CLEC18B: variants seen among roughly 807,000 people sequenced by gnomAD.
CLEC18B encodes mannose receptor-like 2.
CLEC18B carries 5 observed loss-of-function variants against 60.4 expected under a neutral mutation model. The ratio of observed to expected loss-of-function variants is 0.08; its 90% CI spans 0.04 to 0.17. The LOEUF is 0.17. CLEC18B is among the 10% of genes least tolerant of loss of function. The pLI is 1.00. For missense variants in CLEC18B, 26 were observed against 572.8 expected (o/e 0.05, Z 9.74); for synonymous variants, 16 against 221.2 (o/e 0.07, Z 8.23).
rs913748372 is a variant in CLEC18B, at chr16:74,421,435, C to G, written c.-165G>C. 2.2e-5 allele frequency: 33 copies of G among 1,475,160 alleles called. No homozygotes were observed. The Admixed American group carries it at 6.9e-4, about 31-fold the overall frequency. The allele number at this position is 1,475,160 out of a possible 1,614,324, so 91.4% of individuals were successfully genotyped here. On this transcript the variant is annotated 5_prime_UTR_variant, in exon 1 of 12. Transcript: ENST00000682950. ...AGAAGGAGGCTGGTGAGTGAGTAAT[C>G]AGTGTGTCCAGACAGCCTCCTGTTG...
At chr16:74,423,614 G>A (rs1256283667), upstream of CLEC18B, among the ~76,000 whole-genome samples, 1 of 152,178 alleles carries the variant, frequency 6.6e-6, no homozygotes, top group Admixed American at 6.6e-5. Context: ...GCTTGAATCT[G>A]GGAGGCGGAG....
intron 3 of CLEC18B, among the ~76,000 whole-genome samples, chr16:74,414,164 C>G (rs1316295352): frequency 6.6e-6 from 1 of 152,298 alleles, no homozygotes; most frequent in Non-Finnish European, 1.5e-5. Flanking sequence ...TGTGAGCCAC[C>G]GTGCCCAGCC....
upstream of CLEC18B, chr16:74,422,194 C>A (rs937754431): frequency 6.6e-6 from 1 of 152,070 alleles, no homozygotes; most frequent in African/African-American, 2.4e-5. Context: ...CTGGCGTGAT[C>A]CCACCAGAGT....
rs2013254770 is a variant in CLEC18B at position 74,413,105 on chromosome 16, C to T, written c.608G>A (p.Trp203Ter). 1 of 1,611,988 alleles carries T rather than the reference C, an allele frequency of 6.2e-7. No homozygotes were observed. The highest frequency in any genetic ancestry group is 1.3e-5 in the African/African-American group (1 of 74,880). ...GACACTGGCTGTGCAGAGCGAACAC[C>T]AGGCACCCTTCTTATAGGGGATGAT... Reference protein sequence around the residue: ...KTIIPYKKGAWCSLCTASVSG... With the variant: ...KTIIPYKKGA The change falls in exon 5 of 12, where the codon TGG becomes TAG. Residue 203 changes from tryptophan to a stop codon, truncating the protein, a stop_gained. Coordinates refer to ENST00000682950, the MANE Select transcript of CLEC18B (RefSeq NM_001385193.1). LOFTEE classifies it high-confidence loss of function.
At chr16:74,422,205 G>C (rs1255800736), upstream of CLEC18B, 2 of 152,324 alleles carry the variant, frequency 1.3e-5, no homozygotes, top group Non-Finnish European at 2.9e-5. Flanking sequence ...CCACCAGAGT[G>C]AGCTGGAGCA....
rs376806221 is a variant in CLEC18B, at chr16:74,418,106, C to T, written c.409G>A (p.Ala137Thr). The change falls in exon 3 of 12, where the codon GCG becomes ACG. Residue 137 changes from alanine to threonine, a missense_variant. Physicochemically the swap from Ala to Thr is moderately conservative, Grantham distance 58. Coordinates refer to ENST00000682950, the MANE Select transcript of CLEC18B (RefSeq NM_001385193.1). ...WFAEGQRYSH[A>T]AGECARNATC... ...GCGTTGCGAGCACACTCTCCTGCCG[C>T]GTGGCTGTACCGCTGCCCCTCTGCA... is the stretch of plus-strand genomic sequence containing the variant. The T allele has an allele frequency of 3.6e-5, 56 of 1,572,220 alleles. 5 individuals carry two copies. The highest frequency in any genetic ancestry group is 1.7e-4 in the Middle Eastern group (1 of 5,836).
chr16:74,414,110 G>A (rs2013317598), intron 3 of CLEC18B, among the ~76,000 whole-genome samples: 1 of 152,304 alleles, frequency 6.6e-6, no homozygotes, highest in Admixed American at 6.5e-5. Flanking sequence ...CCCGACCTCA[G>A]GTGAACTGCT....
rs766840033 is a variant in CLEC18B at position 74,421,158 on chromosome 16, G to T, written c.113C>A (p.Pro38Gln). 6.2e-7 allele frequency: 1 copy of T among 1,607,980 alleles called. No homozygotes were observed. The highest frequency in any genetic ancestry group is 1.4e-5 in the African/African-American group (1 of 73,624). Residue 38 changes from proline (P) to glutamine (Q), a missense_variant, in exon 1 of 12, where the codon CCG (proline) becomes CAG (glutamine). Physicochemically the swap from Pro to Gln is moderately conservative, Grantham distance 76. Coordinates refer to ENST00000682950, the MANE Select transcript of CLEC18B (RefSeq NM_001385193.1). ...VWPPQLQEQA[P>Q]MAGALNRKES... The stretch of plus-strand genomic sequence containing the variant: ...CAGGTGTCCCTTACCTCCGGCCATC[G>T]GAGCCTGCTCCTGCAGCTGGGGTGG...
At chr16:74,418,558 A>AGT (rs1175657809) in intron 2 of CLEC18B, among the ~76,000 whole-genome samples, 3 of 144,882 alleles carry the variant, frequency 2.1e-5, no homozygotes, top group African/African-American at 7.6e-5. Context: ...AGGCAGTGGG[A>AGT]CCCGCTCCTG....
At chr16:74,423,806 G>A (rs1328628692), upstream of CLEC18B, among the ~76,000 whole-genome samples, 1 of 152,042 alleles carries the variant, frequency 6.6e-6, no homozygotes, top group Admixed American at 6.6e-5. Context: ...GGCTGGAACC[G>A]ACACGCTGTG....
At chr16:74,415,024 CAACA>C (rs1309124386) in intron 3 of CLEC18B, among the ~76,000 whole-genome samples, 1 of 150,976 alleles carries the variant, frequency 6.6e-6, no homozygotes, top group Non-Finnish European at 1.5e-5. Flanking sequence ...AAGCAAGTTT[CAACA>C]AATAGCAAAG....
upstream of CLEC18B, chr16:74,422,447 G>C (rs1318910144): frequency 6.6e-6 from 1 of 151,308 alleles, no homozygotes; most frequent in Non-Finnish European, 1.5e-5. Context: ...ATGCAGGTAG[G>C]GTTGGCTTTC....
intron 2 of CLEC18B, among the ~76,000 whole-genome samples, chr16:74,419,180 G>A (rs1223550947): frequency 6.6e-6 from 1 of 152,290 alleles, no homozygotes; most frequent in Non-Finnish European, 1.5e-5. Flanking sequence ...GACTCCCTGA[G>A]CTCATCTGTA....
upstream of CLEC18B, chr16:74,421,789 C>G (rs1435938958): frequency 2.0e-5 from 3 of 151,590 alleles, no homozygotes; most frequent in African/African-American, 7.8e-5. Context: ...TGGGCAAGAC[C>G]CCAGGGGAGT....
upstream of CLEC18B, chr16:74,422,495 G>T (rs1267222729): frequency 6.6e-6 from 1 of 150,658 alleles, no homozygotes; most frequent in African/African-American, 2.5e-5. Flanking sequence ...ATCGTCATGG[G>T]TGCCAGGGAT....
intron 3 of CLEC18B, among the ~76,000 whole-genome samples, chr16:74,414,457 C>T (rs1182649557): frequency 7.3e-5 from 11 of 150,812 alleles, no homozygotes; most frequent in African/African-American, 2.7e-4. Context: ...TGATACTGAG[C>T]CGATTTTGAA....
chr16:74,409,347 T>G (rs1192000864), intron 11 of CLEC18B, among the ~76,000 whole-genome samples: 3 of 148,724 alleles, frequency 2.0e-5, no homozygotes, highest in Non-Finnish European at 4.4e-5. Context: ...CTGCGTGGCC[T>G]TGCTGTATGA....
chr16:74,418,472 C>T (rs1409851319), intron 2 of CLEC18B, among the ~76,000 whole-genome samples, 174 bp from the exon 3 acceptor site: 1 of 146,514 alleles, frequency 6.8e-6, no homozygotes, highest in Non-Finnish European at 1.5e-5. Flanking sequence ...TGATGTCCCT[C>T]CAGGAGGAGC....
upstream of CLEC18B, among the ~76,000 whole-genome samples, chr16:74,423,665 G>A (rs2013753626): frequency 6.6e-6 from 1 of 151,950 alleles, no homozygotes. Flanking sequence ...CTCCATCCTG[G>A]GCAACAGAGC....
Sources: gnomAD v4.1 joint callset for allele counts (sites outside exome capture counted in the v4.1 genomes callset) on GRCh38, gnomAD v4.1.1 for gene constraint, MANE v1.5 for transcripts, NCBI Gene and HGNC (gene_info 2026-07-23, HGNC 2026-07-21) for gene names.